The following UGT2B11 variants were observed in gnomAD, a reference collection of about 807,000 sequenced individuals.
UGT2B11 encodes UDP-glucuronosyltransferase 2B11.
UGT2B11 carries 49 observed loss-of-function variants against 51.7 expected under a neutral mutation model. The ratio of observed to expected loss-of-function variants is 0.95; its 90% confidence interval spans 0.75 to 1.20. The LOEUF is 1.20. Ranked by LOEUF, UGT2B11 falls within the 50% of genes most tolerant of loss-of-function variation. The probability of loss-of-function intolerance (pLI) is 0.00; values close to 1 mark genes in which losing one functional copy is unlikely to be tolerated. For missense variants in UGT2B11, 810 were observed against 622.1 expected, an observed-to-expected ratio of 1.30 and a Z score of -3.21; for synonymous variants, 273 against 209.0, an observed-to-expected ratio of 1.31 and a Z score of -2.64.
chr4:69,224,933 T>A, the UGT2B11 span, among the ~76,000 whole-genome samples: 6 of 152,120 alleles, frequency 3.9e-5, no homozygotes, highest in African/African-American at 9.7e-5. Flanking sequence ...ACAATTAACA[T>A]GTCTTAGATC....
chr4:69,212,761 A>G, intron 1 of UGT2B11, 40 bp from the exon 2 acceptor site: 1 of 1,581,420 alleles, frequency 6.3e-7, no homozygotes, highest in Non-Finnish European at 8.5e-7. Flanking sequence ...ATGATGTAAG[A>G]TAATTACTTT....
rs375662498 is a variant in UGT2B11, at chr4:69,200,285, T to A, written c.*155A>T. ...GGGTGGTAAATCTCTGAAAAACAAA[T>A]TTTTACTTGACAAGGTAGATTTGAA... On this transcript the variant is annotated 3_prime_UTR_variant, in exon 6 of 6. Transcript: ENST00000446444. 2,368 of 1,193,286 alleles carry A rather than the reference T, an allele frequency of 2.0e-3. 9 individuals carry two copies. The highest frequency in any genetic ancestry group is 2.2e-3 in the Non-Finnish European group (1,998 of 925,734). The allele number at this position is 1,193,286 out of a possible 1,614,324, so 73.9% of individuals were successfully genotyped here. A position where few individuals can be genotyped will look rare whatever the true frequency, so the allele number is the denominator to read the frequency against.
chr4:69,212,798 CA>C, intron 1 of UGT2B11, 77 bp from the exon 2 acceptor site: 2 of 1,486,642 alleles, frequency 1.3e-6, no homozygotes, highest in South Asian at 2.8e-5. Context: ...AAGGTTAGAA[CA>C]ATGTAAGCAA....
chr4:69,218,840 A>G (rs565378085), upstream of UGT2B11, among the ~76,000 whole-genome samples: 9 of 152,250 alleles, frequency 5.9e-5, no homozygotes, highest in Admixed American at 2.0e-4. Flanking sequence ...TATTCACAAA[A>G]GTCCCTGGAT....
Position 69,208,423 on chromosome 4 carries a change from C to T in UGT2B11, c.930G>A (p.Gly310=), listed in dbSNP as rs542422772. Reference sequence around the variant, plus strand: ...CTGCTGTCATGTTACTTATCACTGACCCCAGAGAAAACACCACAACACCAT... The same window carrying T: ...CTGCTGTCATGTTACTTATCACTGATCCCAGAGAAAACACCACAACACCAT... ...GENGVVVFSL[G]SVISNMTAER... Residue 310 remains glycine (G), a synonymous_variant, in exon 3 of 6, where the codon GGG becomes GGA. Transcript: ENST00000446444. 3 of 1,610,430 alleles carry T rather than the reference C, an allele frequency of 1.9e-6. No individual in the cohort carries two copies. Among genetic ancestry groups the T allele is most frequent in the African/African-American group, 1.3e-5 (1 of 74,662 alleles).
At chr4:69,209,748 A>T (rs1287133530) in intron 2 of UGT2B11, among the ~76,000 whole-genome samples, 3 of 151,120 alleles carry the variant, frequency 2.0e-5, no homozygotes, top group Non-Finnish European at 3.0e-5. Context: ...ATTTAATGTA[A>T]CTCGTTTTCA....
intron 2 of UGT2B11, chr4:69,211,197 G>T (rs1237977382): frequency 6.6e-6 from 1 of 151,496 alleles, no homozygotes; most frequent in Non-Finnish European, 1.5e-5. Context: ...ATGCAGAAAT[G>T]ATTTTAAATA....
At chr4:69,224,072 C>T in the UGT2B11 span, among the ~76,000 whole-genome samples, 1 of 152,166 alleles carries the variant, frequency 6.6e-6, no homozygotes, top group Non-Finnish European at 1.5e-5. Context: ...GGCCATGGAA[C>T]GGAAACACAT....
At chr4:69,205,658 G>A in intron 3 of UGT2B11, 91 bp from the exon 4 acceptor site, 1 of 1,367,688 alleles carries the variant, frequency 7.3e-7, no homozygotes. Flanking sequence ...ATGAGATCAA[G>A]GGATGTTAGT....
chr4:69,223,356 G>A, the UGT2B11 span, among the ~76,000 whole-genome samples: 6 of 152,232 alleles, frequency 3.9e-5, no homozygotes, highest in African/African-American at 9.6e-5. Flanking sequence ...CTCTTAGGGC[G>A]TCCCCCACAG....
intron 5 of UGT2B11, among the ~76,000 whole-genome samples, chr4:69,204,081 T>A: frequency 6.6e-6 from 1 of 151,718 alleles, no homozygotes; most frequent in East Asian, 2.0e-4. Context: ...TCTGAGTCAT[T>A]TTAGATATTT....
chr4:69,204,740 A>G, intron 4 of UGT2B11, 91 bp from the exon 5 acceptor site: 2 of 1,577,416 alleles, frequency 1.3e-6, no homozygotes, highest in Non-Finnish European at 1.7e-6. Flanking sequence ...TTTTCTAGAT[A>G]ACACATTGAA....
intron 5 of UGT2B11, among the ~76,000 whole-genome samples, chr4:69,203,204 G>A (rs1351845591): frequency 2.0e-5 from 3 of 151,504 alleles, no homozygotes; most frequent in African/African-American, 7.3e-5. Flanking sequence ...TCCAAGCATT[G>A]GAATAGACAT....
rs1416133368 is a variant in UGT2B11, at chr4:69,208,377, T to C, written c.976A>G (p.Thr326Ala). Residue 326 changes from threonine to alanine, a missense_variant, in exon 3 of 6, where the codon ACA becomes GCA. Coordinates refer to ENST00000446444, the MANE Select transcript of UGT2B11 (RefSeq NM_001073.3). ...TTTTGTGGGATCTTGGCAAGGGCTGTTGCAATTACATTGGCCCTTTCTGCT... is the reference window on the plus strand; with the variant it reads ...TTTTGTGGGATCTTGGCAAGGGCTGCTGCAATTACATTGGCCCTTTCTGCT... ...MTAERANVIA[T>A]ALAKIPQKVL... The C allele has an allele frequency of 1.9e-6, 3 of 1,611,194 alleles. No homozygotes were observed. In the South Asian group the frequency reaches 3.3e-5, roughly 18 times the overall value.
rs1254764824 is a variant in UGT2B11 at position 69,200,590 on chromosome 4, G to C, written c.1440C>G (p.Ala480=). The change falls in exon 6 of 6, where the codon GCC becomes GCG. Residue 480 remains alanine (A), a synonymous_variant. Coordinates refer to ENST00000446444, the MANE Select transcript of UGT2B11 (RefSeq NM_001073.3). ...HKGAKHLRVA[A]HDLTWFQYHS... Reference sequence around the variant, plus strand: ...GGTACTGGAACCAGGTGAGGTCATGGGCTGCAACTCGAAGGTGTTTGGCTC... The same window carrying C: ...GGTACTGGAACCAGGTGAGGTCATGCGCTGCAACTCGAAGGTGTTTGGCTC... The C allele has an allele frequency of 1.2e-6, 2 of 1,612,278 alleles. No individual in the cohort carries two copies. Among genetic ancestry groups the C allele is most frequent in the African/African-American group, 2.7e-5 (2 of 74,740 alleles).
At chr4:69,205,858 A>T (rs1721835573) in intron 3 of UGT2B11, among the ~76,000 whole-genome samples, 1 of 151,808 alleles carries the variant, frequency 6.6e-6, no homozygotes, top group South Asian at 2.1e-4. Context: ...ACCTGCAGTC[A>T]ACCATCATAT....
Position 69,208,376 on chromosome 4 carries a change from G to A in UGT2B11, c.977C>T (p.Thr326Ile). ...MTAERANVIA[T>I]ALAKIPQKVL... ...CTTTTGTGGGATCTTGGCAAGGGCT[G>A]TTGCAATTACATTGGCCCTTTCTGC... The change falls in exon 3 of 6, where the codon ACA becomes ATA. Residue 326 changes from threonine to isoleucine, a missense_variant. Physicochemically the swap from Thr to Ile is moderately conservative, Grantham distance 89. Coordinates refer to ENST00000446444, the MANE Select transcript of UGT2B11 (RefSeq NM_001073.3). The A allele has an allele frequency of 1.2e-6, 2 of 1,611,034 alleles. No homozygotes were observed. The highest frequency in any genetic ancestry group is 1.7e-6 in the Non-Finnish European group (2 of 1,178,094).
chr4:69,201,596 A>C (rs944867300), intron 5 of UGT2B11, among the ~76,000 whole-genome samples: 1 of 151,706 alleles, frequency 6.6e-6, no homozygotes, highest in Non-Finnish European at 1.5e-5. Flanking sequence ...AGAACTTTAC[A>C]CGTTTTGACC....
chr4:69,212,255 GTTTTGTGCTAATCC>G (rs1308524476), intron 2 of UGT2B11, among the ~76,000 whole-genome samples: 3 of 151,522 alleles, frequency 2.0e-5, no homozygotes, highest in Non-Finnish European at 4.4e-5. Context: ...ACTTACTTGT[GTTTTGTGCTAATCC>G]TTTTATAAGT....
Sources: allele counts gnomAD v4.1 joint callset (sites outside exome capture counted in the v4.1 genomes callset), GRCh38; gene constraint gnomAD v4.1.1; transcripts MANE v1.5; gene names NCBI Gene and HGNC (gene_info 2026-07-23, HGNC 2026-07-21).